PSEN2: variants seen among roughly 807,000 people sequenced by gnomAD.
The protein encoded by PSEN2 is presenilin 2.
Under a neutral mutation model 49.1 loss-of-function variants are expected in PSEN2, and 32 were observed. The observed-to-expected ratio is 0.65, with a 90% CI of 0.49 to 0.88. PSEN2 has a LOEUF of 0.88. Ranked by LOEUF, PSEN2 falls within the 40% of genes least tolerant of loss-of-function variation. The pLI, the probability that PSEN2 is intolerant of heterozygous loss-of-function variation, is 0.00. For synonymous variants in PSEN2, 255 were observed against 244.0 expected (o/e 1.05, Z -0.42); for missense variants, 522 against 586.9 (o/e 0.89, Z 1.14).
At chr1:226,885,976 C>T (rs548451231) in intron 6 of PSEN2, among the ~76,000 whole-genome samples, 89 of 149,420 alleles carry the variant, frequency 6.0e-4, no homozygotes, top group Non-Finnish European at 1.0e-3. Context: ...CTCAAGTTCT[C>T]CCACCCAGCC....
intron 6 of PSEN2, among the ~76,000 whole-genome samples, chr1:226,886,259 T>C (rs1009860389): frequency 2.0e-5 from 3 of 152,230 alleles, no homozygotes; most frequent in Non-Finnish European, 2.9e-5. Flanking sequence ...TAATTTTGTT[T>C]TGCTTCTCTT....
chr1:226,876,031 G>A (rs117368833), intron 3 of PSEN2, among the ~76,000 whole-genome samples: 1 of 152,146 alleles, frequency 6.6e-6, no homozygotes, highest in Admixed American at 6.5e-5. Context: ...TGGGGTGCAG[G>A]GGGTGGGAGA....
intron 8 of PSEN2, among the ~76,000 whole-genome samples, 183 bp downstream of exon 8, chr1:226,889,232 A>G (rs1661576804): frequency 1.3e-5 from 2 of 149,596 alleles, no homozygotes; most frequent in South Asian, 4.2e-4. Context: ...TTTCTGGAAC[A>G]CTCCTGGTGG....
intron 12 of PSEN2, among the ~76,000 whole-genome samples, chr1:226,902,271 G>C (rs1187081268): frequency 4.6e-5 from 7 of 152,170 alleles, no homozygotes; most frequent in Admixed American, 3.9e-4. Flanking sequence ...AGGAGGCGGA[G>C]CTCAGGTGGT....
chr1:226,901,165 G>A (rs1662303554), downstream of PSEN2, among the ~76,000 whole-genome samples: 1 of 152,184 alleles, frequency 6.6e-6, no homozygotes, highest in Non-Finnish European at 1.5e-5. Flanking sequence ...GCTACGCACG[G>A]TGGCTCACAC....
intron 12 of PSEN2, among the ~76,000 whole-genome samples, chr1:226,901,745 C>T (rs977063929): frequency 9.9e-5 from 15 of 152,212 alleles, no homozygotes; most frequent in African/African-American, 3.1e-4. Flanking sequence ...AAAGATTTCC[C>T]TATGAGAATG....
chr1:226,878,083 C>G (rs1329655383), intron 3 of PSEN2, among the ~76,000 whole-genome samples: 1 of 151,572 alleles, frequency 6.6e-6, no homozygotes, highest in East Asian at 1.9e-4. Context: ...TTTTCTTTTT[C>G]TTTCTTTTTT....
At chr1:226,903,218 G>T (rs1436395801) in intron 12 of PSEN2, among the ~76,000 whole-genome samples, 2 of 151,908 alleles carry the variant, frequency 1.3e-5, no homozygotes. Context: ...GTCTCTGTTG[G>T]TTCTGAAAAT....
At chr1:226,890,614 A>G (rs1432928683) in intron 9 of PSEN2, 10 of 241,210 alleles carry the variant, frequency 4.1e-5, no homozygotes. Flanking sequence ...GGACTTACAC[A>G]TGCAGTCAAC....
rs774815887 is a variant in PSEN2, at chr1:226,878,140, T to TG, written c.-21+2591dup. 1.1e-4 allele frequency among the ~76,000 whole-genome samples: 17 copies of TG among 152,024 alleles called. No individual in the cohort carries two copies. In the East Asian group the frequency reaches 2.3e-3, roughly 21 times the overall value. ...TGTCGCCCAGGCTGAAGTGCAGTGG[T>TG]GCGATCTCAGCTCACTGCAGCCTCC... is the stretch of plus-strand genomic sequence containing the variant. On this transcript the variant is annotated intron_variant, in intron 3 of 12. Coordinates refer to ENST00000366783, the MANE Select transcript of PSEN2 (RefSeq NM_000447.3).
At chr1:226,874,401 C>CT (rs1221583408) in intron 2 of PSEN2, among the ~76,000 whole-genome samples, 2 of 152,212 alleles carry the variant, frequency 1.3e-5, no homozygotes, top group African/African-American at 4.8e-5. Context: ...ATACAGGGAG[C>CT]TGACTAGGTG....
chr1:226,880,216 A>G (rs1406186329), intron 3 of PSEN2, among the ~76,000 whole-genome samples: 2 of 152,134 alleles, frequency 1.3e-5, no homozygotes, highest in Non-Finnish European at 2.9e-5. Context: ...TTTCTACAAA[A>G]TATTTTAAAA....
At chr1:226,876,647 C>T (rs1395235560) in intron 3 of PSEN2, among the ~76,000 whole-genome samples, 2 of 152,192 alleles carry the variant, frequency 1.3e-5, no homozygotes, top group African/African-American at 4.8e-5. Flanking sequence ...TATATACATA[C>T]ATTTTATAAG....
chr1:226,885,628 C>A lies in PSEN2; in HGVS notation c.447C>A (p.Ile149=). Reference sequence around the variant, plus strand: ...ACACCCTCATCATGATCAGCGTCATCGTGGTTATGACCATCTTCTTGGTGG... The same window carrying A: ...ACACCCTCATCATGATCAGCGTCATAGTGGTTATGACCATCTTCTTGGTGG... ...VLNTLIMISV[I]VVMTIFLVVL... is the part of the protein sequence containing the mutation. The change falls in exon 6 of 13, where the codon ATC becomes ATA. Residue 149 remains isoleucine, a synonymous_variant. Coordinates refer to ENST00000366783, the MANE Select transcript of PSEN2 (RefSeq NM_000447.3). 6.2e-7 allele frequency: 1 copy of A among 1,613,062 alleles called. No individual in the cohort carries two copies. Among genetic ancestry groups the A allele is most frequent in the South Asian group, 1.1e-5 (1 of 91,064 alleles).
chr1:226,893,060 G>A (rs1661866706), intron 11 of PSEN2, among the ~76,000 whole-genome samples: 1 of 152,078 alleles, frequency 6.6e-6, no homozygotes, highest in African/African-American at 2.4e-5. Flanking sequence ...GGCCTCCTGA[G>A]TAGCTGGGAT....
downstream of PSEN2, among the ~76,000 whole-genome samples, chr1:226,900,775 C>T (rs1662291489): frequency 6.6e-6 from 1 of 152,146 alleles, no homozygotes; most frequent in South Asian, 2.1e-4. Context: ...TGCTGTGTTG[C>T]TGTGTGCAAC....
At position 226,890,039 on chromosome 1, in the gene PSEN2, C is replaced by G. The variant is rs77875620; in HGVS notation, c.792C>G (p.Leu264=). 1.7e-5 allele frequency: 27 copies of G among 1,612,850 alleles called. No individual in the cohort carries two copies. The East Asian group carries it at 6.0e-4, about 36-fold the overall frequency. Residue 264 remains leucine (L), a synonymous_variant, in exon 9 of 13, where the codon CTC becomes CTG. Coordinates refer to ENST00000366783, the MANE Select transcript of PSEN2 (RefSeq NM_000447.3). The stretch of plus-strand genomic sequence containing the variant: ...AGGATGTCTCTGTCTTCCTAGATCT[C>G]GTGGCTGTGCTGTGTCCCAAAGGGC... ...VILGAISVYD[L]VAVLCPKGPL...
chr1:226,891,646 T>C (rs1661756757), intron 10 of PSEN2, 97 bp from the exon 11 acceptor site: 6 of 1,186,688 alleles, frequency 5.1e-6, no homozygotes, highest in Non-Finnish European at 7.5e-6. Flanking sequence ...TTCTTGGAGC[T>C]TTGTTCCCTG....
chr1:226,883,795 G>A lies in PSEN2; in HGVS notation c.232G>A (p.Glu78Lys). Residue 78 changes from glutamate to lysine, a missense_variant, in exon 5 of 13, where the codon GAG (glutamate) becomes AAG (lysine). Transcript: ENST00000366783. The part of the protein sequence containing the change: ...VPGRPPGLEE[E>K]LTLKYGAKHV... ...CGGGCGGCCGCCAGGCCTGGAGGAA[G>A]AGCTGACCCTCAAATACGGAGCGAA... 1.9e-6 allele frequency: 3 copies of A among 1,614,224 alleles called. No homozygotes were observed. Among genetic ancestry groups the A allele is most frequent in the Non-Finnish European group, 1.7e-6 (2 of 1,180,052 alleles).
Sources: gnomAD v4.1 joint callset for allele counts (sites outside exome capture counted in the v4.1 genomes callset) on GRCh38, gnomAD v4.1.1 for gene constraint, MANE v1.5 for transcripts, NCBI Gene and HGNC (gene_info 2026-07-23, HGNC 2026-07-21) for gene names.